RBFOX1: variants seen among roughly 807,000 people sequenced by gnomAD.
RBFOX1 encodes the protein RNA binding protein fox-1 homolog 1.
A neutral mutation model predicts 57.7 loss-of-function variants in RBFOX1; 8 were observed. That is an observed-to-expected ratio of 0.14 (90% CI 0.08 to 0.25). RBFOX1 has a LOEUF of 0.25. RBFOX1 is among the 10% of genes least tolerant of loss of function. RBFOX1 has a pLI of 1.00. For missense variants in RBFOX1, 611 were observed against 548.5 expected, an observed-to-expected ratio of 1.11 and a Z score of -1.14; for synonymous variants, 326 against 222.4, an observed-to-expected ratio of 1.47 and a Z score of -4.15.
intron 1 of RBFOX1, among the ~76,000 whole-genome samples, chr16:5,396,291 C>G (rs2151429195): frequency 6.6e-6 from 1 of 152,152 alleles, no homozygotes; most frequent in East Asian, 1.9e-4. Context: ...CTACATCTCC[C>G]TAGACCTTAT....
In RBFOX1 at chr16:7,581,137, G is replaced by A. The variant is rs545117760; in HGVS notation, c.414+1217G>A. On this transcript the variant is annotated intron_variant, in intron 6 of 15. Coordinates refer to ENST00000550418, the MANE Select transcript of RBFOX1 (RefSeq NM_018723.4). Reference sequence around the variant, plus strand: ...TATGCATCTGACACAAAAGCAGAGCGAGCATCCTAATATTGAAGATACCCA... The same window carrying A: ...TATGCATCTGACACAAAAGCAGAGCAAGCATCCTAATATTGAAGATACCCA... Among the ~76,000 whole-genome samples, 23 of 152,238 alleles carry A rather than the reference G, an allele frequency of 1.5e-4. 1 individual carries two copies. In the South Asian group the frequency reaches 3.1e-3, roughly 21 times the overall value.
chr16:5,262,261 G>A (rs1186013222), intron 1 of RBFOX1, among the ~76,000 whole-genome samples: 3 of 152,110 alleles, frequency 2.0e-5, no homozygotes, highest in Admixed American at 6.5e-5. Flanking sequence ...TGGGTTGTGG[G>A]GTGCCCAGAT....
intron 4 of RBFOX1, among the ~76,000 whole-genome samples, chr16:6,005,936 C>T (rs534060125): frequency 2.1e-4 from 32 of 152,242 alleles, no homozygotes; most frequent in African/African-American, 7.5e-4. Context: ...ACGAATGTGT[C>T]ATTCTTTGTG....
chr16:6,253,695 G>GTA (rs1170735963), intron 1 of RBFOX1, among the ~76,000 whole-genome samples: 17 of 96,214 alleles, frequency 1.8e-4, no homozygotes, highest in African/African-American at 5.1e-4. Context: ...GTGTGTGTGT[G>GTA]TGTGTATATA....
chr16:7,710,837 G>T lies in RBFOX1; in HGVS notation c.*92G>T. 1 of 1,023,144 alleles carries T rather than the reference G, an allele frequency of 9.8e-7. No individual in the cohort carries two copies. The allele number at this position is 1,023,144 out of a possible 1,614,324, so 63.4% of individuals were successfully genotyped here. A position where few individuals can be genotyped will look rare whatever the true frequency, so the allele number is the denominator to read the frequency against. ...ATACATGCAGTAGTACATCATTTTA[G>T]CAACTCTAAAAAAAAAAAAAATACA... On this transcript the variant is annotated 3_prime_UTR_variant, in exon 16 of 16. Coordinates refer to ENST00000550418, the MANE Select transcript of RBFOX1 (RefSeq NM_018723.4).
In RBFOX1 at chr16:6,739,515, G is replaced by A. The variant is rs529853886; in HGVS notation, c.-16+84865G>A. Among the ~76,000 whole-genome samples the A allele has an allele frequency of 1.1e-3, 150 of 130,722 alleles. No individual in the cohort carries two copies. The Middle Eastern group carries it at 0.038, about 33-fold the overall frequency. 85.8% of individuals were successfully genotyped at this position (130,722 alleles called of 152,430 possible). A position where few individuals can be genotyped will look rare whatever the true frequency, so the allele number is the denominator to read the frequency against. ...CCCAAGGGAATCTCCGGTCTAAATG[G>A]TTTCACTGGAGAATTCTACCCATAT... is the stretch of plus-strand genomic sequence containing the variant. On this transcript the variant is annotated intron_variant, in intron 3 of 15. Coordinates refer to ENST00000550418, the MANE Select transcript of RBFOX1 (RefSeq NM_018723.4).
intron 4 of RBFOX1, among the ~76,000 whole-genome samples, chr16:7,127,580 G>C (rs2068943123): frequency 1.3e-5 from 2 of 152,184 alleles, no homozygotes; most frequent in Admixed American, 1.3e-4. Flanking sequence ...TGGGGAATGT[G>C]TACATTCTGT....
At chr16:7,111,498 C>G (rs1027023639) in intron 4 of RBFOX1, among the ~76,000 whole-genome samples, 2 of 152,096 alleles carry the variant, frequency 1.3e-5, no homozygotes, top group Non-Finnish European at 2.9e-5. Context: ...GTGTGGAATA[C>G]AGTTCTGCTG....
chr16:5,955,191 G>C (rs2059602428), intron 4 of RBFOX1, among the ~76,000 whole-genome samples: 1 of 106,296 alleles, frequency 9.4e-6, no homozygotes, highest in Non-Finnish European at 1.8e-5. Context: ...CTGAGGCACA[G>C]GAATTGCTTG....
chr16:5,491,798 G>A (rs1467181154), intron 2 of RBFOX1, among the ~76,000 whole-genome samples: 9 of 152,174 alleles, frequency 5.9e-5, no homozygotes, highest in Non-Finnish European at 1.3e-4. Context: ...TTTTAATTCA[G>A]TTGTTCTCAA....
chr16:5,670,747 G>T (rs2049992027), intron 3 of RBFOX1, among the ~76,000 whole-genome samples: 1 of 152,178 alleles, frequency 6.6e-6, no homozygotes, highest in Admixed American at 6.5e-5. Context: ...TGTGCCTGCA[G>T]GTTTTCTTAG....
chr16:5,375,686 G>A (rs2065967472), intron 1 of RBFOX1, among the ~76,000 whole-genome samples: 1 of 152,194 alleles, frequency 6.6e-6, no homozygotes, highest in South Asian at 2.1e-4. Context: ...CTGTGCCAGG[G>A]GTTGCCAAAT....
intron 2 of RBFOX1, among the ~76,000 whole-genome samples, chr16:6,637,312 A>G (rs867519582): frequency 2.0e-5 from 1 of 48,876 alleles, no homozygotes; most frequent in Non-Finnish European, 3.2e-5. Flanking sequence ...AATATATATT[A>G]TATATTATAT....
intron 3 of RBFOX1, among the ~76,000 whole-genome samples, chr16:6,656,519 A>T (rs1290023108): frequency 2.0e-5 from 3 of 151,680 alleles, no homozygotes; most frequent in African/African-American, 4.8e-5. Context: ...CTACTCTGTG[A>T]TGCATCTTGG....
intron 4 of RBFOX1, among the ~76,000 whole-genome samples, chr16:7,110,481 C>G (rs561135935): frequency 3.7e-4 from 57 of 152,224 alleles, no homozygotes; most frequent in African/African-American, 1.3e-3. Flanking sequence ...ACACAGGGCT[C>G]CGGCTTAAGG....
chr16:7,512,108 A>T (rs138383003), intron 4 of RBFOX1, among the ~76,000 whole-genome samples: 1 of 152,128 alleles, frequency 6.6e-6, no homozygotes, highest in East Asian at 1.9e-4. Context: ...TTATTTAGGG[A>T]AAGGTGGGGG....
chr16:7,120,403 A>T (rs1004710802), intron 4 of RBFOX1, among the ~76,000 whole-genome samples: 4 of 152,098 alleles, frequency 2.6e-5, no homozygotes, highest in Non-Finnish European at 5.9e-5. Context: ...CTTTCAAAGC[A>T]TAGAAGTGAT....
chr16:6,944,343 C>T (rs1723298271), intron 3 of RBFOX1, among the ~76,000 whole-genome samples: 1 of 149,496 alleles, frequency 6.7e-6, no homozygotes, highest in Admixed American at 6.7e-5. Context: ...TGCAGTGTGC[C>T]AAGATTGCGC....
At chr16:7,557,148 G>T (rs1487753656) in intron 5 of RBFOX1, among the ~76,000 whole-genome samples, 1 of 152,086 alleles carries the variant, frequency 6.6e-6, no homozygotes, top group African/African-American at 2.4e-5. Context: ...AGGTACCATG[G>T]AGGTGAAGTA....
Sources: gnomAD v4.1 joint callset for allele counts (sites outside exome capture counted in the v4.1 genomes callset) on GRCh38, gnomAD v4.1.1 for gene constraint, MANE v1.5 for transcripts, NCBI Gene and HGNC (gene_info 2026-07-23, HGNC 2026-07-21) for gene names.